The following ARHGAP15 variants were observed in gnomAD, a reference collection of about 807,000 sequenced individuals.
ARHGAP15 encodes Rho GTPase activating protein 15.
Under a neutral mutation model 63.7 loss-of-function variants are expected in ARHGAP15, and 51 were observed. That is an observed-to-expected ratio of 0.80 (90% CI 0.64 to 1.01). ARHGAP15 has a LOEUF of 1.01. ARHGAP15 is among the 50% of genes least tolerant of loss of function. The pLI is 0.00. For missense variants in ARHGAP15, 560 were observed against 564.6 expected (o/e 0.99, Z 0.08); for synonymous variants, 191 against 193.8 (o/e 0.99, Z 0.12).
chr2:143,563,707 A>G (rs1696114819), intron 11 of ARHGAP15, among the ~76,000 whole-genome samples: 1 of 152,222 alleles, frequency 6.6e-6, no homozygotes, highest in Non-Finnish European at 1.5e-5. Flanking sequence ...CATCATGATC[A>G]TCACCATCAT....
intron 1 of ARHGAP15, among the ~76,000 whole-genome samples, chr2:143,153,798 T>A (rs1314079411): frequency 1.0e-3 from 54 of 53,644 alleles, no homozygotes; most frequent in African/African-American, 3.6e-3. Context: ...CTTCTTCTTC[T>A]TCTTCTTCTT....
rs1553520615 is a variant in ARHGAP15 at position 143,673,758 on chromosome 2, G to GTGTGTGTGTGTATATATATATATA, written c.1139-29660_1139-29659insGTGTGTGTGTATATATATATATAT. Among the ~76,000 whole-genome samples, 5 of 22,128 alleles carry GTGTGTGTGTGTATATATATATATA rather than the reference G, an allele frequency of 2.3e-4. No individual in the cohort carries two copies. The Admixed American group carries it at 2.5e-3, about 11-fold the overall frequency. 14.5% of individuals were successfully genotyped at this position (22,128 alleles called of 152,430 possible). On this transcript the variant is annotated intron_variant, in intron 12 of 13. Transcript: ENST00000295095. ...TGTGTGTGTGTGTGTGTGTGTGTGTGTATATATATATATATATATATATAT... is the reference window on the plus strand; with the variant it reads ...TGTGTGTGTGTGTGTGTGTGTGTGTGTGTGTGTGTGTATATATATATATATATATATATATATATATATATATAT...
chr2:143,228,550 C>G, intron 4 of ARHGAP15, 31 bp from the exon 5 acceptor site: 1 of 1,466,384 alleles, frequency 6.8e-7, no homozygotes, highest in Non-Finnish European at 9.5e-7. Flanking sequence ...ACTGATAATG[C>G]TTTCTTTCCC....
At chr2:143,332,158 A>G (rs943752698) in intron 6 of ARHGAP15, among the ~76,000 whole-genome samples, 2 of 152,154 alleles carry the variant, frequency 1.3e-5, no homozygotes, top group Non-Finnish European at 2.9e-5. Flanking sequence ...CATGGTATCA[A>G]TTCAAACAAA....
At chr2:143,263,747 A>G (rs1680852080) in intron 6 of ARHGAP15, among the ~76,000 whole-genome samples, 1 of 151,912 alleles carries the variant, frequency 6.6e-6, no homozygotes, top group East Asian at 1.9e-4. Context: ...GCCTCTAAAG[A>G]GCAGGAAAAG....
chr2:143,151,324 G>A (rs932731875), intron 1 of ARHGAP15, among the ~76,000 whole-genome samples: 13 of 151,904 alleles, frequency 8.6e-5, no homozygotes, highest in Non-Finnish European at 1.8e-4. Flanking sequence ...GCTCTAGGAG[G>A]CACCATTTTC....
At chr2:143,603,921 TA>T (rs1697879685) in intron 11 of ARHGAP15, among the ~76,000 whole-genome samples, 1 of 152,144 alleles carries the variant, frequency 6.6e-6, no homozygotes, top group Non-Finnish European at 1.5e-5. Context: ...TGTGAAGCTC[TA>T]AAAAAGAAGC....
At chr2:143,745,671 C>T (rs1449061986) in intron 13 of ARHGAP15, among the ~76,000 whole-genome samples, 1 of 152,176 alleles carries the variant, frequency 6.6e-6, no homozygotes, top group Admixed American at 6.5e-5. Context: ...TTAGGGTTCA[C>T]TTATTTTGCA....
intron 6 of ARHGAP15, among the ~76,000 whole-genome samples, chr2:143,357,873 C>T (rs1408500608): frequency 6.6e-6 from 1 of 152,152 alleles, no homozygotes; most frequent in Non-Finnish European, 1.5e-5. Flanking sequence ...AATAGGAGAA[C>T]TGCTAAATAA....
intron 6 of ARHGAP15, among the ~76,000 whole-genome samples, chr2:143,361,288 C>T (rs1011953516): frequency 1.3e-5 from 2 of 152,152 alleles, no homozygotes; most frequent in Non-Finnish European, 1.5e-5. Context: ...ACCTATTAGC[C>T]ACCCAAGAGG....
At chr2:143,548,322 GTC>G (rs1267244802) in intron 10 of ARHGAP15, among the ~76,000 whole-genome samples, 1 of 151,960 alleles carries the variant, frequency 6.6e-6, no homozygotes, top group Non-Finnish European at 1.5e-5. Flanking sequence ...TGATTCAAGA[GTC>G]TATTTGATAT....
At chr2:143,394,655 C>T (rs1173667588) in intron 6 of ARHGAP15, among the ~76,000 whole-genome samples, 3 of 152,108 alleles carry the variant, frequency 2.0e-5, no homozygotes. Context: ...TTAGGGAAGC[C>T]ATGTTTCAGG....
intron 1 of ARHGAP15, among the ~76,000 whole-genome samples, chr2:143,146,252 T>C (rs1030974863): frequency 2.6e-5 from 4 of 151,968 alleles, no homozygotes; most frequent in African/African-American, 9.7e-5. Context: ...ATAACTCCTA[T>C]AAATCAGTAA....
At position 143,487,810 on chromosome 2, in the gene ARHGAP15, G is replaced by GT. The variant is rs138056210; in HGVS notation, c.826+317dup. On this transcript the variant is annotated intron_variant, in intron 9 of 13. Coordinates refer to ENST00000295095, the MANE Select transcript of ARHGAP15 (RefSeq NM_018460.4). Reference sequence around the variant, plus strand: ...TACCATGTCCTCCTGTGTCTGGGTGGTTCCAGTTCACAGCTGGGTTTTAGT... The same window carrying GT: ...TACCATGTCCTCCTGTGTCTGGGTGGTTTCCAGTTCACAGCTGGGTTTTAGT... Among the ~76,000 whole-genome samples, 100 of 152,276 alleles carry GT rather than the reference G, an allele frequency of 6.6e-4. No homozygotes were observed. The East Asian group carries it at 0.019, about 29-fold the overall frequency.
At position 143,768,112 on chromosome 2, in the gene ARHGAP15, C is replaced by T; in HGVS notation, c.1368C>T (p.Asn456=). ...GNMAIHMVYQ[N]QIAELMLSEY... ...TGGCGATCCACATGGTCTACCAGAA[C>T]CAGATAGCTGAGCTCATGCTGAGTG... The change falls in exon 14 of 14, where the codon AAC becomes AAT. Residue 456 remains asparagine (N), a synonymous_variant. Coordinates refer to ENST00000295095, the MANE Select transcript of ARHGAP15 (RefSeq NM_018460.4). The T allele has an allele frequency of 6.2e-7, 1 of 1,613,824 alleles. No individual in the cohort carries two copies. Among genetic ancestry groups the T allele is most frequent in the East Asian group, 2.2e-5 (1 of 44,864 alleles).
chr2:143,190,235 A>T lies in ARHGAP15; in HGVS notation c.166-11899A>T, dbSNP rs187538868. The stretch of plus-strand genomic sequence containing the variant: ...GCCTATTCACATTTTTAAAAGAGGC[A>T]TTTAAAATGCTGATTAAAATTTCCT... On this transcript the variant is annotated intron_variant, in intron 2 of 13. Transcript: ENST00000295095. 1.5e-3 allele frequency among the ~76,000 whole-genome samples: 221 copies of T among 152,364 alleles called. 1 individual carries two copies. The highest frequency in any genetic ancestry group is 2.7e-3 in the South Asian group (13 of 4,830).
intron 12 of ARHGAP15, among the ~76,000 whole-genome samples, chr2:143,645,584 T>G (rs1450018923): frequency 6.6e-6 from 1 of 152,102 alleles, no homozygotes; most frequent in Non-Finnish European, 1.5e-5. Context: ...GAAACTGAAA[T>G]GTCGTCAATA....
At chr2:143,203,503 G>T (rs922202365) in intron 3 of ARHGAP15, among the ~76,000 whole-genome samples, 1 of 152,034 alleles carries the variant, frequency 6.6e-6, no homozygotes, top group Admixed American at 6.6e-5. Flanking sequence ...CTCTCTTCTT[G>T]AATCAATTGC....
chr2:143,615,619 A>G (rs999226012), intron 11 of ARHGAP15, among the ~76,000 whole-genome samples: 1 of 152,154 alleles, frequency 6.6e-6, no homozygotes, highest in African/African-American at 2.4e-5. Flanking sequence ...TGTATATGGG[A>G]ATTTATAGGA....
Sources: gnomAD v4.1 joint callset for allele counts (sites outside exome capture counted in the v4.1 genomes callset) on GRCh38, gnomAD v4.1.1 for gene constraint, MANE v1.5 for transcripts, NCBI Gene and HGNC (gene_info 2026-07-23, HGNC 2026-07-21) for gene names.